PLCL1: variants seen among roughly 807,000 people sequenced by gnomAD.
PLCL1 encodes phospholipase C like 1 (inactive).
A neutral mutation model predicts 84.4 loss-of-function variants in PLCL1; 41 were observed. The observed-to-expected ratio is 0.49, with a 90% CI of 0.38 to 0.63. The LOEUF (loss-of-function observed/expected upper bound fraction) is 0.63, where lower values mean the gene tolerates loss of function less well. PLCL1 is among the 30% of genes least tolerant of loss of function. The pLI is 0.00. For missense variants in PLCL1, 1,206 were observed against 1,367.8 expected, an observed-to-expected ratio of 0.88 and a Z score of 1.87; for synonymous variants, 490 against 488.3, an observed-to-expected ratio of 1.00 and a Z score of -0.05.
Position 197,961,994 on chromosome 2 carries a change from A to G in PLCL1, c.241-121764A>G, listed in dbSNP as rs1356809048. ...TTGTATTTGAGTAATATAAGTGATC[A>G]AGCTATCCTTGGAATGTATATGGCA... is the stretch of plus-strand genomic sequence containing the variant. On this transcript the variant is annotated intron_variant, in intron 1 of 5. Transcript: ENST00000428675. Among the ~76,000 whole-genome samples, 3 of 152,086 alleles carry G rather than the reference A, an allele frequency of 2.0e-5. No homozygotes were observed. The East Asian group carries it at 5.8e-4, about 29-fold the overall frequency.
chr2:198,054,525 C>G (rs184216120), intron 1 of PLCL1, among the ~76,000 whole-genome samples: 36 of 152,334 alleles, frequency 2.4e-4, no homozygotes, highest in Non-Finnish European at 3.4e-4. Flanking sequence ...ACATCTAACA[C>G]CATTGACTCC....
Position 197,908,526 on chromosome 2 carries a change from T to C in PLCL1, c.240+103187T>C, listed in dbSNP as rs2105743873. Among the ~76,000 whole-genome samples the C allele has an allele frequency of 1.3e-5, 2 of 152,366 alleles. 1 individual carries two copies. Among genetic ancestry groups the C allele is most frequent in the South Asian group, 4.1e-4 (2 of 4,832 alleles). ...TCTTCCATGAGATAGTCTTCAAGCC[T>C]CAGAAGAAATTTACTCTCAAGTGTT... On this transcript the variant is annotated intron_variant, in intron 1 of 5. Transcript: ENST00000428675.
chr2:197,827,892 A>G (rs1339338031), intron 1 of PLCL1, among the ~76,000 whole-genome samples: 1 of 152,122 alleles, frequency 6.6e-6, no homozygotes, highest in Non-Finnish European at 1.5e-5. Flanking sequence ...TTTCTGTTTT[A>G]GCTTACTGAT....
chr2:197,915,003 A>G (rs1429202425), intron 1 of PLCL1, among the ~76,000 whole-genome samples: 1 of 152,168 alleles, frequency 6.6e-6, no homozygotes, highest in East Asian at 1.9e-4. Context: ...GAGTTGGATA[A>G]AGAAGCATTT....
intron 1 of PLCL1, among the ~76,000 whole-genome samples, chr2:198,016,373 T>C (rs1209586436): frequency 6.6e-6 from 1 of 152,212 alleles, no homozygotes; most frequent in African/African-American, 2.4e-5. Flanking sequence ...TTGCTCACCC[T>C]GGAGCTTTCT....
At chr2:198,046,257 AAAAAAATTTCAACT>A (rs1208748874) in intron 1 of PLCL1, among the ~76,000 whole-genome samples, 1 of 152,228 alleles carries the variant, frequency 6.6e-6, no homozygotes, top group Non-Finnish European at 1.5e-5. Flanking sequence ...TCTTTACTGA[AAAAAAATTTCAACT>A]AAGTTTAGTT....
intron 1 of PLCL1, among the ~76,000 whole-genome samples, chr2:197,972,236 G>T (rs1689884539): frequency 6.6e-6 from 1 of 152,232 alleles, no homozygotes; most frequent in South Asian, 2.1e-4. Context: ...TTTCGTCAAA[G>T]AAAGGCAAGT....
At chr2:198,044,476 G>A (rs1381616189) in intron 1 of PLCL1, among the ~76,000 whole-genome samples, 2 of 152,162 alleles carry the variant, frequency 1.3e-5, no homozygotes, top group African/African-American at 4.8e-5. Flanking sequence ...GGAATCCTGC[G>A]AAGCTCAAGT....
At chr2:198,054,466 T>TC (rs1174487260) in intron 1 of PLCL1, among the ~76,000 whole-genome samples, 1 of 152,214 alleles carries the variant, frequency 6.6e-6, no homozygotes, top group Non-Finnish European at 1.5e-5. Flanking sequence ...AGGACAGCAG[T>TC]GTGTGGCCCA....
chr2:197,902,624 C>G (rs1052084207), intron 1 of PLCL1, among the ~76,000 whole-genome samples: 1 of 152,188 alleles, frequency 6.6e-6, no homozygotes, highest in African/African-American at 2.4e-5. Context: ...AGTGAACATA[C>G]TGGTATGAAG....
chr2:198,136,734 G>T (rs576197604), intron 5 of PLCL1, among the ~76,000 whole-genome samples: 87 of 152,156 alleles, frequency 5.7e-4, no homozygotes, highest in African/African-American at 2.0e-3. Flanking sequence ...CCTTCAAAAC[G>T]TTCAGTGGAT....
intron 5 of PLCL1, among the ~76,000 whole-genome samples, chr2:198,136,915 A>G (rs541107656): frequency 1.3e-5 from 2 of 152,310 alleles, no homozygotes; most frequent in Admixed American, 6.5e-5. Context: ...GGCTCAGATT[A>G]AAATTATTAA....
At chr2:197,893,820 A>G (rs1422088855) in intron 1 of PLCL1, among the ~76,000 whole-genome samples, 1 of 152,030 alleles carries the variant, frequency 6.6e-6, no homozygotes, top group Non-Finnish European at 1.5e-5. Flanking sequence ...GTTTAAACAA[A>G]TAGGGATTTA....
intron 1 of PLCL1, among the ~76,000 whole-genome samples, chr2:198,010,854 C>T (rs984707094): frequency 4.6e-5 from 7 of 151,046 alleles, no homozygotes; most frequent in Non-Finnish European, 7.4e-5. Flanking sequence ...GATCTGTTTC[C>T]GTCTTGATAG....
At chr2:197,905,770 C>T (rs1217484381) in intron 1 of PLCL1, among the ~76,000 whole-genome samples, 9 of 152,238 alleles carry the variant, frequency 5.9e-5, no homozygotes, top group Non-Finnish European at 1.2e-4. Context: ...TTCTAACTGG[C>T]GTGAGATGGT....
intron 1 of PLCL1, among the ~76,000 whole-genome samples, chr2:197,899,298 A>C (rs1157823798): frequency 6.6e-6 from 1 of 151,914 alleles, no homozygotes; most frequent in African/African-American, 2.4e-5. Flanking sequence ...TAAGAATAAG[A>C]CTTTGGAGGA....
chr2:197,969,369 T>C (rs922479964), intron 1 of PLCL1, among the ~76,000 whole-genome samples: 6 of 152,222 alleles, frequency 3.9e-5, no homozygotes, highest in Non-Finnish European at 4.4e-5. Context: ...ATCTGCTTTC[T>C]CAAGGCTAGA....
intron 1 of PLCL1, among the ~76,000 whole-genome samples, chr2:197,827,925 GTC>G (rs1248637238): frequency 6.6e-6 from 1 of 151,598 alleles, no homozygotes; most frequent in Non-Finnish European, 1.5e-5. Flanking sequence ...ATGGTCAAGA[GTC>G]TATGTTTCTA....
At chr2:197,936,412 C>T (rs1250903722) in intron 1 of PLCL1, among the ~76,000 whole-genome samples, 1 of 152,036 alleles carries the variant, frequency 6.6e-6, no homozygotes, top group African/African-American at 2.4e-5. Context: ...TTCCGCATAT[C>T]TTTCCAGCAC....
Sources: allele counts gnomAD v4.1 joint callset (sites outside exome capture counted in the v4.1 genomes callset), GRCh38; gene constraint gnomAD v4.1.1; transcripts MANE v1.5; gene names NCBI Gene and HGNC (gene_info 2026-07-23, HGNC 2026-07-21).